RUVBL2: variants seen among roughly 807,000 people sequenced by gnomAD.
RUVBL2 encodes the protein RuvB like AAA ATPase 2.
Under a neutral mutation model 57.9 loss-of-function variants are expected in RUVBL2, and 9 were observed. The ratio of observed to expected loss-of-function variants is 0.16; its 90% CI spans 0.09 to 0.27. RUVBL2 has a LOEUF of 0.27. RUVBL2 is among the 10% of genes least tolerant of loss of function. The pLI is 1.00. For synonymous variants in RUVBL2, 278 were observed against 264.6 expected, an observed-to-expected ratio of 1.05 and a Z score of -0.49; for missense variants, 456 against 669.6, an observed-to-expected ratio of 0.68 and a Z score of 3.52.
chr19:49,010,467 T>TGCCGCC, intron 8 of RUVBL2, 21 bp from the exon 9 acceptor site: 2 of 1,401,208 alleles, frequency 1.4e-6, no homozygotes, highest in Non-Finnish European at 2.0e-6. Context: ...CCGCCGTTCT[T>TGCCGCC]CCCCCACCCC....
intron 13 of RUVBL2, 117 bp downstream of exon 13, chr19:49,015,267 T>A: frequency 7.1e-7 from 1 of 1,410,440 alleles, no homozygotes; most frequent in South Asian, 1.3e-5. Flanking sequence ...CGCAGGGAAT[T>A]TTCATCCCTC....
At chr19:49,000,460 CA>C (rs1202209804) in intron 2 of RUVBL2, among the ~76,000 whole-genome samples, 3 of 152,020 alleles carry the variant, frequency 2.0e-5, no homozygotes, top group Non-Finnish European at 2.9e-5. Flanking sequence ...GAGGCTGAGG[CA>C]GGAAAATTGC....
At chr19:49,003,885 TG>T (rs2039231037) in intron 3 of RUVBL2, among the ~76,000 whole-genome samples, 1 of 151,234 alleles carries the variant, frequency 6.6e-6, no homozygotes, top group Admixed American at 6.6e-5. Flanking sequence ...GAGGCTGAGA[TG>T]GGAAGATTGC....
Position 48,997,236 on chromosome 19 carries a change from A to G in RUVBL2, c.13-2083A>G, listed in dbSNP as rs143927748. Among the ~76,000 whole-genome samples, 9 of 152,306 alleles carry G rather than the reference A, an allele frequency of 5.9e-5. No individual in the cohort carries two copies. The East Asian group carries it at 1.7e-3, about 29-fold the overall frequency. Reference sequence around the variant, plus strand: ...GATTTGCCTATTGTGGCTACTTCATATAGATGGAATCATACCATATGTGTC... The same window carrying G: ...GATTTGCCTATTGTGGCTACTTCATGTAGATGGAATCATACCATATGTGTC... On this transcript the variant is annotated intron_variant, in intron 1 of 14. Transcript: ENST00000595090.
At position 49,014,489 on chromosome 19, in the gene RUVBL2, G is replaced by A. The variant is rs1293906487; in HGVS notation, c.1007G>A (p.Arg336Gln). 6 of 1,613,594 alleles carry A rather than the reference G, an allele frequency of 3.7e-6. No individual in the cohort carries two copies. The highest frequency in any genetic ancestry group is 5.1e-6 in the Non-Finnish European group (6 of 1,179,802). Residue 336 changes from arginine to glutamine, a missense_variant, in exon 12 of 15, where the codon CGG becomes CAG. By Grantham distance (43) the Arg-to-Gln change is conservative (BLOSUM62 1). Transcript: ENST00000595090. ...TCTTTCTGCCTCTTCCTCAGAATCC[G>A]GGGCACCAGCTACCAGAGCCCTCAC... is the stretch of plus-strand genomic sequence containing the variant. ...MATNRGITRI[R>Q]GTSYQSPHGI...
chr19:49,001,020 G>A (rs1240352815), intron 2 of RUVBL2, among the ~76,000 whole-genome samples: 6 of 151,680 alleles, frequency 4.0e-5, no homozygotes, highest in Non-Finnish European at 2.9e-5. Context: ...TTAGCCGGCA[G>A]TGGTGGTCCA....
At chr19:49,004,854 G>A (rs2039252630) in intron 4 of RUVBL2, among the ~76,000 whole-genome samples, 1 of 152,054 alleles carries the variant, frequency 6.6e-6, no homozygotes. Flanking sequence ...ATCACACTCT[G>A]CTTCAGGGGA....
At chr19:49,010,465 C>CT in intron 8 of RUVBL2, 23 bp from the exon 9 acceptor site, 18 of 1,388,422 alleles carry the variant, frequency 1.3e-5, no homozygotes, top group South Asian at 5.8e-5. Context: ...CTCCGCCGTT[C>CT]TTCCCCCACC....
rs777617255 is a variant in RUVBL2 at position 49,015,640 on chromosome 19, G to C, written c.1320G>C (p.Thr440=). The change falls in exon 14 of 15, where the codon ACG becomes ACC. Residue 440 remains threonine, a synonymous_variant. Coordinates refer to ENST00000595090, the MANE Select transcript of RUVBL2 (RefSeq NM_006666.3). ...TCTTCCTGGACGAGTCCCGCTCCAC[G>C]CAGTACATGAAGGAGTACCAGGACG... ...YSLFLDESRS[T]QYMKEYQDAF... 2.5e-6 allele frequency: 4 copies of C among 1,614,084 alleles called. No individual in the cohort carries two copies. The highest frequency in any genetic ancestry group is 3.3e-5 in the Admixed American group (2 of 60,018).
chr19:49,010,091 C>T (rs759056680), intron 8 of RUVBL2, 25 bp downstream of exon 8: 53 of 1,604,318 alleles, frequency 3.3e-5, no homozygotes, highest in Middle Eastern at 1.7e-4. Context: ...CCCGGGATCC[C>T]CTCGCCCCCA....
rs762109573 is a variant in RUVBL2, at chr19:49,010,023, G to A, written c.620G>A (p.Arg207His). 26 of 1,591,464 alleles carry A rather than the reference G, an allele frequency of 1.6e-5. No homozygotes were observed. Among genetic ancestry groups the A allele is most frequent in the African/African-American group, 5.4e-5 (4 of 74,364 alleles). ...ACGGGCAAGATCTCCAAGCTGGGCCGCTCCTTCACACGCGCCCGCGACTAC... is the reference window on the plus strand; with the variant it reads ...ACGGGCAAGATCTCCAAGCTGGGCCACTCCTTCACACGCGCCCGCGACTAC... Reference protein sequence around the residue: ...KATGKISKLGRSFTRARDYDA... With the variant: ...KATGKISKLGHSFTRARDYDA... Residue 207 changes from arginine to histidine, a missense_variant, in exon 8 of 15, where the codon CGC (arginine) becomes CAC (histidine). Transcript: ENST00000595090.
chr19:49,015,826 C>A lies in RUVBL2; in HGVS notation c.1376C>A (p.Thr459Asn), dbSNP rs1429144157. The A allele has an allele frequency of 1.9e-6, 3 of 1,614,142 alleles. No homozygotes were observed. The highest frequency in any genetic ancestry group is 2.5e-6 in the Non-Finnish European group (3 of 1,180,020). Residue 459 changes from threonine (T) to asparagine (N), a missense_variant, in exon 15 of 15, where the codon ACC (threonine) becomes AAC (asparagine). By Grantham distance (65) the Thr-to-Asn change is moderately conservative. Coordinates refer to ENST00000595090, the MANE Select transcript of RUVBL2 (RefSeq NM_006666.3). Reference sequence around the variant, plus strand: ...TTCCTTCTCCCCACAGAAGGCGAGACCATGGACACCTCCTGAGTTGGATGT... The same window carrying A: ...TTCCTTCTCCCCACAGAAGGCGAGAACATGGACACCTCCTGAGTTGGATGT... ...AFLFNELKGE[T>N]MDTS is the part of the protein sequence containing the mutation.
intron 2 of RUVBL2, among the ~76,000 whole-genome samples, chr19:49,002,596 G>T (rs1324343804): frequency 6.6e-6 from 1 of 151,572 alleles, no homozygotes; most frequent in Non-Finnish European, 1.5e-5. Flanking sequence ...ATTTTATTTT[G>T]TTTTACTGAG....
intron 8 of RUVBL2, 57 bp from the exon 9 acceptor site, chr19:49,010,431 C>G (rs913429986): frequency 1.3e-6 from 2 of 1,595,156 alleles, no homozygotes; most frequent in African/African-American, 2.7e-5. Context: ...TTAGGGGCCC[C>G]CTTCATGCCC....
chr19:49,015,783 G>A (rs200647471), intron 14 of RUVBL2, 34 bp from the exon 15 acceptor site: 107 of 1,613,794 alleles, frequency 6.6e-5, no homozygotes, highest in Middle Eastern at 3.3e-4. Flanking sequence ...CCACCTGGGC[G>A]ACACTGACCA....
chr19:48,999,664 G>A (rs1042206271), intron 2 of RUVBL2, among the ~76,000 whole-genome samples: 2 of 152,254 alleles, frequency 1.3e-5, no homozygotes, highest in African/African-American at 4.8e-5. Context: ...ACTGGGTTTG[G>A]CCTCGTATAC....
Position 49,011,045 on chromosome 19 carries a change from C to T in RUVBL2, c.834C>T (p.Ala278=). 5.6e-6 allele frequency: 9 copies of T among 1,608,866 alleles called. No homozygotes were observed. The highest frequency in any genetic ancestry group is 7.6e-6 in the Non-Finnish European group (9 of 1,177,454). The change falls in exon 10 of 15, where the codon GCC becomes GCT. Residue 278 remains alanine, a synonymous_variant. Coordinates refer to ENST00000595090, the MANE Select transcript of RUVBL2 (RefSeq NM_006666.3). The surrounding 1 kb of genome is among the most constrained non-coding windows in gnomAD (Gnocchi z 4.4). The part of the protein sequence containing the change: ...IKSEVREQIN[A]KVAEWREEGK... ...CAGAAGTCCGTGAGCAGATCAATGC[C>T]AAGGTGGCTGAGTGGCGCGAGGAGG...
intron 6 of RUVBL2, among the ~76,000 whole-genome samples, chr19:49,007,809 A>G (rs978083152): frequency 4.0e-5 from 6 of 151,760 alleles, no homozygotes; most frequent in Non-Finnish European, 2.9e-5. Context: ...GGTTCAAGTG[A>G]TTCTTCTGCC....
At chr19:49,002,102 G>A (rs775408800) in intron 2 of RUVBL2, among the ~76,000 whole-genome samples, 5 of 151,730 alleles carry the variant, frequency 3.3e-5, no homozygotes, top group Non-Finnish European at 5.9e-5. Flanking sequence ...AGGCTGGAGT[G>A]CAGTGGGGCG....
Sources: gnomAD v4.1 joint callset for allele counts (sites outside exome capture counted in the v4.1 genomes callset) on GRCh38, gnomAD v4.1.1 for gene constraint, Gnocchi (gnomAD v3.1) non-coding constraint, MANE v1.5 for transcripts, NCBI Gene and HGNC (gene_info 2026-07-23, HGNC 2026-07-21) for gene names.